NKAIN3: variants seen among roughly 807,000 people sequenced by gnomAD.
The protein encoded by NKAIN3 is sodium/potassium transporting ATPase interacting 3, also known as sodium/potassium-transporting ATPase subunit beta-1-interacting protein 3.
Under a neutral mutation model 30.2 loss-of-function variants are expected in NKAIN3, and 25 were observed. The ratio of observed to expected loss-of-function variants is 0.83; its 90% CI spans 0.60 to 1.16. The LOEUF is 1.16. NKAIN3 is among the 50% of genes most tolerant of loss of function. NKAIN3 has a pLI of 0.00. For synonymous variants in NKAIN3, 91 were observed against 89.6 expected (o/e 1.02, Z -0.09); for missense variants, 225 against 254.1 (o/e 0.89, Z 0.78).
chr8:62,569,408 G>T (rs1330826227), intron 1 of NKAIN3, among the ~76,000 whole-genome samples: 1 of 152,148 alleles, frequency 6.6e-6, no homozygotes, highest in Non-Finnish European at 1.5e-5. Context: ...CTTGGGAGTT[G>T]AATAGATAGG....
intron 1 of NKAIN3, among the ~76,000 whole-genome samples, chr8:62,471,744 G>C (rs1438656082): frequency 1.3e-5 from 2 of 152,074 alleles, no homozygotes; most frequent in African/African-American, 2.4e-5. Flanking sequence ...CAAAGTTTGA[G>C]ATCAGCCTGG....
intron 1 of NKAIN3, among the ~76,000 whole-genome samples, chr8:62,476,904 TAAAGTGGC>T (rs1441548378): frequency 6.6e-6 from 1 of 152,008 alleles, no homozygotes; most frequent in African/African-American, 2.4e-5. Context: ...CAGAAAGAAA[TAAAGTGGC>T]TTGTGACACC....
At chr8:62,821,960 T>C (rs1818862001) in intron 4 of NKAIN3, among the ~76,000 whole-genome samples, 1 of 151,284 alleles carries the variant, frequency 6.6e-6, no homozygotes, top group Non-Finnish European at 1.5e-5. Context: ...AATGTTCCTA[T>C]AGCCTTGCTA....
chr8:62,249,722 T>A (rs970646354), intron 1 of NKAIN3, among the ~76,000 whole-genome samples: 1 of 152,174 alleles, frequency 6.6e-6, no homozygotes, highest in Non-Finnish European at 1.5e-5. Context: ...CAGTTCCGCT[T>A]TGGATTTTGT....
chr8:62,731,239 A>G (rs1815453555), intron 3 of NKAIN3, among the ~76,000 whole-genome samples: 1 of 43,180 alleles, frequency 2.3e-5, no homozygotes. Context: ...CACAGGACAC[A>G]CACACACACA....
At chr8:62,252,392 G>A (rs1486782259) in intron 1 of NKAIN3, among the ~76,000 whole-genome samples, 1 of 152,168 alleles carries the variant, frequency 6.6e-6, no homozygotes, top group Non-Finnish European at 1.5e-5. Flanking sequence ...CTGAACTACT[G>A]TCTGGAGTGG....
intron 1 of NKAIN3, among the ~76,000 whole-genome samples, chr8:62,530,021 C>A (rs756432523): frequency 2.0e-5 from 3 of 152,138 alleles, no homozygotes; most frequent in Non-Finnish European, 2.9e-5. Context: ...AGTTTGGTTA[C>A]TCTAAATGTA....
At chr8:62,897,996 T>C (rs1821486972) in intron 4 of NKAIN3, among the ~76,000 whole-genome samples, 1 of 152,164 alleles carries the variant, frequency 6.6e-6, no homozygotes. Context: ...AGGTATTCTG[T>C]TATAGCAACA....
chr8:62,987,621 C>A (rs1156436301), downstream of NKAIN3, among the ~76,000 whole-genome samples: 1 of 152,104 alleles, frequency 6.6e-6, no homozygotes, highest in East Asian at 1.9e-4. Flanking sequence ...ATGAGCACAG[C>A]ATGTGACAGA....
intron 1 of NKAIN3, among the ~76,000 whole-genome samples, chr8:62,279,586 A>AC (rs1426684936): frequency 6.6e-6 from 1 of 152,166 alleles, no homozygotes; most frequent in Non-Finnish European, 1.5e-5. Context: ...TCAGCTTTCT[A>AC]CATATGGCTA....
At chr8:62,814,210 A>G (rs1818589917) in intron 4 of NKAIN3, among the ~76,000 whole-genome samples, 1 of 151,826 alleles carries the variant, frequency 6.6e-6, no homozygotes, top group South Asian at 2.1e-4. Context: ...GTTTTCTGCT[A>G]TTATCTTGCT....
chr8:62,346,232 C>T (rs1178646933), intron 1 of NKAIN3, among the ~76,000 whole-genome samples: 1 of 152,030 alleles, frequency 6.6e-6, no homozygotes, highest in African/African-American at 2.4e-5. Flanking sequence ...ATGCTATTGC[C>T]ACAAAGAAAT....
intron 3 of NKAIN3, among the ~76,000 whole-genome samples, chr8:62,698,917 TTAAC>T (rs1814247517): frequency 6.6e-6 from 1 of 152,232 alleles, no homozygotes; most frequent in African/African-American, 2.4e-5. Context: ...ATTGAGCTAC[TTAAC>T]TGTTTTCGAA....
intron 1 of NKAIN3, among the ~76,000 whole-genome samples, chr8:62,345,560 TAC>T (rs1174167179): frequency 2.4e-5 from 3 of 123,260 alleles, no homozygotes; most frequent in Admixed American, 7.9e-5. Flanking sequence ...TATGTATATA[TAC>T]ACATATATAC....
chr8:62,364,334 T>G (rs1276430577), intron 1 of NKAIN3, among the ~76,000 whole-genome samples: 1 of 152,142 alleles, frequency 6.6e-6, no homozygotes, highest in Non-Finnish European at 1.5e-5. Context: ...GTAAAAGACT[T>G]TTTCTCCAAA....
chr8:62,933,535 C>A (rs1420105766), intron 5 of NKAIN3, among the ~76,000 whole-genome samples: 1 of 152,146 alleles, frequency 6.6e-6, no homozygotes, highest in African/African-American at 2.4e-5. Context: ...TGTTTTAAGC[C>A]TCTTACCTTT....
chr8:62,720,785 G>A (rs1815065142), intron 3 of NKAIN3, among the ~76,000 whole-genome samples: 1 of 152,170 alleles, frequency 6.6e-6, no homozygotes, highest in African/African-American at 2.4e-5. Flanking sequence ...ACAAAGGAGA[G>A]GAGTTGAGAA....
chr8:62,930,726 C>T (rs1482317825), intron 5 of NKAIN3, among the ~76,000 whole-genome samples: 20 of 146,742 alleles, frequency 1.4e-4, no homozygotes, highest in East Asian at 6.1e-4. Flanking sequence ...TTTTTTGAGA[C>T]GGAGTCTCAC....
chr8:62,465,581 A>G (rs1024156342), intron 1 of NKAIN3, among the ~76,000 whole-genome samples: 3 of 152,206 alleles, frequency 2.0e-5, no homozygotes, highest in African/African-American at 4.8e-5. Flanking sequence ...TCATTCAGTA[A>G]ACCATCCAAT....
Sources: gnomAD v4.1 joint callset for allele counts (sites outside exome capture counted in the v4.1 genomes callset) on GRCh38, gnomAD v4.1.1 for gene constraint, MANE v1.5 for transcripts, NCBI Gene and HGNC (gene_info 2026-07-23, HGNC 2026-07-21) for gene names.